Variants in P2RX7 observed in about 807,000 individuals in gnomAD.
P2RX7 encodes the protein purinergic receptor P2X 7.
Under a neutral mutation model 71.6 loss-of-function variants are expected in P2RX7, and 62 were observed. That is an observed-to-expected ratio of 0.87 (90% confidence interval 0.71 to 1.07). The LOEUF is 1.07. Among genes scored for constraint, P2RX7 ranks in the 50% least tolerant of loss-of-function variants. The pLI is 0.00. For synonymous variants in P2RX7, 299 were observed against 283.3 expected (o/e 1.06, Z -0.56); for missense variants, 686 against 748.5 (o/e 0.92, Z 0.97).
chr12:121,165,560 C>A, intron 6 of P2RX7, 123 bp downstream of exon 6: 1 of 768,346 alleles, frequency 1.3e-6, no homozygotes, highest in Non-Finnish European at 2.2e-6. Flanking sequence ...GGTCAGGAAT[C>A]TGGGAATGAC....
chr12:121,184,774 A>C lies in P2RX7; in HGVS notation c.1760A>C (p.Gln587Pro). ...AAAGAGTTTCCGAAGAGTGAAGGGC[A>C]GTACAGTGGCTTCAAGAGTCCTTAC... ...IRKEFPKSEG[Q>P]YSGFKSPY The change falls in exon 13 of 13, where the codon CAG becomes CCG. Residue 587 changes from glutamine (Q) to proline (P), a missense_variant. Physicochemically the swap from Gln to Pro is moderately conservative, Grantham distance 76. Coordinates refer to ENST00000328963, the MANE Select transcript of P2RX7 (RefSeq NM_002562.6). The C allele has an allele frequency of 6.4e-7, 1 of 1,550,598 alleles. No individual in the cohort carries two copies.
At chr12:121,169,680 AG>A (rs1881782603) in intron 8 of P2RX7, among the ~76,000 whole-genome samples, 1 of 152,212 alleles carries the variant, frequency 6.6e-6, no homozygotes, top group Non-Finnish European at 1.5e-5. Context: ...CCAAGGTGGG[AG>A]GATCACTTGA....
chr12:121,133,198 C>CG, intron 1 of P2RX7, 103 bp downstream of exon 1: 2 of 1,355,206 alleles, frequency 1.5e-6, no homozygotes, highest in South Asian at 2.4e-5. Context: ...ACATGGTTTT[C>CG]GAATCTGAGA....
intron 8 of P2RX7, among the ~76,000 whole-genome samples, chr12:121,173,590 C>G (rs1882571973): frequency 6.6e-6 from 1 of 152,210 alleles, no homozygotes. Flanking sequence ...GAGGAAGTAC[C>G]AGATCCGCTC....
At chr12:121,165,540 G>T (rs767011071) in intron 6 of P2RX7, 103 bp downstream of exon 6, 2 of 875,254 alleles carry the variant, frequency 2.3e-6, no homozygotes, top group East Asian at 2.6e-5. Flanking sequence ...TGTCTCCCAC[G>T]GTTTCTGTGG....
chr12:121,166,926 C>T (rs946899271), intron 7 of P2RX7, among the ~76,000 whole-genome samples: 3 of 151,560 alleles, frequency 2.0e-5, no homozygotes, highest in African/African-American at 7.3e-5. Context: ...ATTGCAGGCT[C>T]CTGTAATCCC....
rs551912644 is a variant in P2RX7 at position 121,162,173 on chromosome 12, G to A, written c.437-251G>A. ...CCTCATGGGCACCTTTTCTTATAAA[G>A]AAACAAAAGAGCCAGCAGAATCCAC... On this transcript the variant is annotated intron_variant, in intron 4 of 12. Transcript: ENST00000328963. The A allele has an allele frequency of 1.2e-5, 15 of 1,208,390 alleles. No homozygotes were observed. The East Asian group carries it at 5.3e-4, about 42-fold the overall frequency. The allele number at this position is 1,208,390 out of a possible 1,614,324, so 74.9% of individuals were successfully genotyped here. A position where few individuals can be genotyped will look rare whatever the true frequency, so the allele number is the denominator to read the frequency against.
In P2RX7 at chr12:121,184,389, A is replaced by G; in HGVS notation, c.1375A>G (p.Ile459Val). The G allele has an allele frequency of 1.9e-6, 3 of 1,614,020 alleles. No homozygotes were observed. Among genetic ancestry groups the G allele is most frequent in the Non-Finnish European group, 2.5e-6 (3 of 1,180,002 alleles). The change falls in exon 13 of 13, where the codon ATA (isoleucine) becomes GTA (valine). Residue 459 changes from isoleucine to valine, a missense_variant. By Grantham distance (29) the Ile-to-Val change is conservative (BLOSUM62 3). Coordinates refer to ENST00000328963, the MANE Select transcript of P2RX7 (RefSeq NM_002562.6). ...TPPIPGQPEE[I>V]QLLRKEATPR... ...CCCGATTCCTGGACAACCAGAGGAGATACAGCTGCTTAGAAAGGAGGCGAC... is the reference window on the plus strand; with the variant it reads ...CCCGATTCCTGGACAACCAGAGGAGGTACAGCTGCTTAGAAAGGAGGCGAC...
intron 6 of P2RX7, 81 bp downstream of exon 6, chr12:121,165,518 A>G (rs758982937): frequency 1.3e-4 from 142 of 1,097,234 alleles, no homozygotes; most frequent in Non-Finnish European, 1.4e-4. Flanking sequence ...GCCTGAAACA[A>G]CAAACGCCTA....
intron 1 of P2RX7, among the ~76,000 whole-genome samples, chr12:121,142,750 C>T (rs1168361194): frequency 6.6e-6 from 1 of 152,164 alleles, no homozygotes; most frequent in African/African-American, 2.4e-5. Flanking sequence ...TGTAATAGCA[C>T]TCAGGGCCCA....
chr12:121,187,727 T>C lies in P2RX7; in HGVS notation c.*2925T>C, dbSNP rs967000530. 2.6e-5 allele frequency: 4 copies of C among 152,182 alleles called. No individual in the cohort carries two copies. Among genetic ancestry groups the C allele is most frequent in the African/African-American group, 9.7e-5 (4 of 41,442 alleles). 9.4% of individuals were successfully genotyped at this position (152,182 alleles called of 1,614,324 possible). A position where few individuals can be genotyped will look rare whatever the true frequency, so the allele number is the denominator to read the frequency against. On this transcript the variant is annotated 3_prime_UTR_variant, in exon 13 of 13. Transcript: ENST00000328963. ...AATAACAGGCGTCATATTTGTATTA[T>C]TTTTAGTTTACTGTAGAAAATAATG...
chr12:121,173,523 GCCACA>G (rs1882558766), intron 8 of P2RX7, among the ~76,000 whole-genome samples: 1 of 152,098 alleles, frequency 6.6e-6, no homozygotes, highest in Non-Finnish European at 1.5e-5. Flanking sequence ...AAGAGATGGG[GCCACA>G]CCACACCATA....
chr12:121,156,143 C>A lies in P2RX7; in HGVS notation c.359C>A (p.Pro120His), dbSNP rs1434866607. ...KTEGQEQRLC[P>H]EYPTRRTLCS... The stretch of plus-strand genomic sequence containing the variant: ...GAAGGCCAAGAGCAGCGGTTGTGTC[C>A]CGAGGTAAGGAGGGGACCTGGAGTG... The change falls in exon 3 of 13, where the codon CCC (proline) becomes CAC (histidine). Residue 120 changes from proline (P) to histidine (H), a missense_variant. Pro to His is a moderately conservative substitution (Grantham distance 77, BLOSUM62 -2). Transcript: ENST00000328963. 6.2e-7 allele frequency: 1 copy of A among 1,613,888 alleles called. No homozygotes were observed. The highest frequency in any genetic ancestry group is 1.7e-5 in the Admixed American group (1 of 60,016).
intron 9 of P2RX7, among the ~76,000 whole-genome samples, chr12:121,176,738 C>T (rs539850788): frequency 2.3e-5 from 3 of 129,544 alleles, no homozygotes; most frequent in East Asian, 2.2e-4. Flanking sequence ...GGCAAGAGTG[C>T]GAGACTCTGT....
At position 121,181,658 on chromosome 12, in the gene P2RX7, C is replaced by T. The variant is rs150410004; in HGVS notation, c.1290+1203C>T. 8.7e-4 allele frequency among the ~76,000 whole-genome samples: 132 copies of T among 151,678 alleles called. 3 individuals are homozygous for T. In the East Asian group the frequency reaches 0.02, roughly 23 times the overall value. On this transcript the variant is annotated intron_variant, in intron 12 of 12. Coordinates refer to ENST00000328963, the MANE Select transcript of P2RX7 (RefSeq NM_002562.6). Reference sequence around the variant, plus strand: ...ATCACCTGAGGTCAGGAGTTTGAGACCAGCCTGACCAACATGGAGAAACCC... The same window carrying T: ...ATCACCTGAGGTCAGGAGTTTGAGATCAGCCTGACCAACATGGAGAAACCC...
intron 4 of P2RX7, among the ~76,000 whole-genome samples, chr12:121,161,655 G>A (rs751840252): frequency 1.5e-4 from 23 of 151,932 alleles, no homozygotes; most frequent in African/African-American, 4.6e-4. Flanking sequence ...AGCCAGACAT[G>A]GTGGCACACG....
intron 12 of P2RX7, among the ~76,000 whole-genome samples, chr12:121,181,940 T>C (rs1274945898): frequency 1.3e-5 from 2 of 152,044 alleles, no homozygotes; most frequent in Non-Finnish European, 2.9e-5. Flanking sequence ...GGTGCACACC[T>C]GTAATCCCAG....
chr12:121,154,352 G>T lies in P2RX7; in HGVS notation c.126-433G>T, dbSNP rs1178330807. On this transcript the variant is annotated intron_variant, in intron 1 of 12. Transcript: ENST00000328963. This position sits in a 1 kb window ranked among gnomAD's most constrained non-coding sequence, Gnocchi z 4.2. ...ATTTTCAATGTTATTGATAAAGCAG[G>T]TGGGTGTTTCTGAAAATGCACCAGA... Among the ~76,000 whole-genome samples the T allele has an allele frequency of 2.6e-5, 4 of 152,092 alleles. No individual in the cohort carries two copies. The highest frequency in any genetic ancestry group is 5.9e-5 in the Non-Finnish European group (4 of 68,024).
At chr12:121,144,618 C>T (rs578032860) in intron 1 of P2RX7, among the ~76,000 whole-genome samples, 1 of 152,194 alleles carries the variant, frequency 6.6e-6, no homozygotes, top group Non-Finnish European at 1.5e-5. Context: ...AGTCTATGCT[C>T]TCACTAAAGT....
Sources: allele counts gnomAD v4.1 joint callset (sites outside exome capture counted in the v4.1 genomes callset), GRCh38; gene constraint gnomAD v4.1.1; non-coding constraint Gnocchi (gnomAD v3.1); transcripts MANE v1.5; gene names NCBI Gene and HGNC (gene_info 2026-07-23, HGNC 2026-07-21).